MAP3K21: variants seen among roughly 807,000 people sequenced by gnomAD.
The protein encoded by MAP3K21 is mitogen-activated protein kinase kinase kinase 21, also known as mitogen-activated protein kinase kinase kinase MLK4.
Under a neutral mutation model 86.1 loss-of-function variants are expected in MAP3K21, and 63 were observed. That is an observed-to-expected ratio of 0.73 (90% CI 0.60 to 0.90). The LOEUF is 0.90. Among genes scored for constraint, MAP3K21 ranks in the 40% least tolerant of loss-of-function variants. MAP3K21 has a pLI of 0.00. For missense variants in MAP3K21, 1,220 were observed against 1,367.7 expected, an observed-to-expected ratio of 0.89 and a Z score of 1.70; for synonymous variants, 558 against 564.8, an observed-to-expected ratio of 0.99 and a Z score of 0.17.
intron 3 of MAP3K21, 46 bp from the exon 4 acceptor site, chr1:233,354,790 A>AATGTCTTGGGGATAAACTG: frequency 6.8e-7 from 1 of 1,472,032 alleles, no homozygotes; most frequent in Non-Finnish European, 9.4e-7. Flanking sequence ...TAGCAACTCT[A>AATGTCTTGGGGATAAACTG]AACTGCGTTG....
chr1:233,377,670 C>T (rs540845120), intron 8 of MAP3K21, among the ~76,000 whole-genome samples: 2 of 152,196 alleles, frequency 1.3e-5, no homozygotes, highest in South Asian at 2.1e-4. Flanking sequence ...TTTCCATGGA[C>T]CAGTGGGGTA....
intron 2 of MAP3K21, 139 bp downstream of exon 2, chr1:233,346,761 T>A (rs563346766): frequency 1.4e-6 from 1 of 736,900 alleles, no homozygotes; most frequent in South Asian, 1.8e-5. Flanking sequence ...ATCAAAATAA[T>A]TGTAATGACA....
intron 1 of MAP3K21, among the ~76,000 whole-genome samples, chr1:233,339,556 G>A (rs1662997404): frequency 6.6e-6 from 1 of 150,624 alleles, no homozygotes; most frequent in South Asian, 2.1e-4. Context: ...TCACAGCCCA[G>A]GACAGCCTTA....
intron 4 of MAP3K21, among the ~76,000 whole-genome samples, chr1:233,361,621 GC>G (rs1382612886): frequency 6.6e-6 from 1 of 152,136 alleles, no homozygotes; most frequent in Non-Finnish European, 1.5e-5. Context: ...AATTAATTGA[GC>G]TTGAACTTTT....
chr1:233,330,425 C>T (rs1662788732), intron 1 of MAP3K21, among the ~76,000 whole-genome samples: 1 of 152,084 alleles, frequency 6.6e-6, no homozygotes, highest in Non-Finnish European at 1.5e-5. Flanking sequence ...ATATACTTTT[C>T]TTTCGATAAT....
chr1:233,368,129 T>C (rs1294253), intron 5 of MAP3K21, among the ~76,000 whole-genome samples: 126,861 of 152,186 alleles, frequency 0.83, 53,031 homozygotes, highest in East Asian at 1. Flanking sequence ...CTTTCTTCTG[T>C]TATTGACAGG....
At position 233,379,354 on chromosome 1, in the gene MAP3K21, C is replaced by G. The variant is rs760607195; in HGVS notation, c.2348C>G (p.Thr783Ser). The G allele has an allele frequency of 1.9e-6, 3 of 1,614,086 alleles. No homozygotes were observed. The South Asian group carries it at 3.3e-5, about 18-fold the overall frequency. ...AGTCCTCCCACAAGCCTGCCATCCA[C>G]CTGTGGGGAGGCCAGCAGCCCACCC... The part of the protein sequence containing the change: ...SASPPTSLPS[T>S]CGEASSPPSL... The change falls in exon 9 of 10, where the codon ACC (threonine) becomes AGC (serine). Residue 783 changes from threonine to serine, a missense_variant. Physicochemically the swap from Thr to Ser is moderately conservative, Grantham distance 58. Transcript: ENST00000366624.
At chr1:233,372,450 G>T in intron 6 of MAP3K21, 1 of 393,188 alleles carries the variant, frequency 2.5e-6, no homozygotes, top group Non-Finnish European at 4.5e-6. Context: ...ACACTTGCAC[G>T]CAACGTTAGC....
chr1:233,328,747 G>T lies in MAP3K21; in HGVS notation c.719G>T (p.Trp240Leu). The change falls in exon 1 of 10, where the codon TGG (tryptophan) becomes TTG (leucine). Residue 240 changes from tryptophan to leucine, a missense_variant. Coordinates refer to ENST00000366624, the MANE Select transcript of MAP3K21 (RefSeq NM_032435.3). The surrounding 1 kb of genome is among the most constrained non-coding windows in gnomAD (Gnocchi z 8.7). ...ATCCCTCCGCACGTGCTGGTCAACTGGGCCGTGCAGATAGCGCGGGGCATG... is the reference window on the plus strand; with the variant it reads ...ATCCCTCCGCACGTGCTGGTCAACTTGGCCGTGCAGATAGCGCGGGGCATG... ...RRIPPHVLVN[W>L]AVQIARGMLY... 1 of 1,515,108 alleles carries T rather than the reference G, an allele frequency of 6.6e-7. No homozygotes were observed. Among genetic ancestry groups the T allele is most frequent in the South Asian group, 1.2e-5 (1 of 81,588 alleles). The allele number at this position is 1,515,108 out of a possible 1,614,324, so 93.9% of individuals were successfully genotyped here. A position where few individuals can be genotyped will look rare whatever the true frequency, so the allele number is the denominator to read the frequency against.
chr1:233,356,413 C>G (rs1663357621), intron 4 of MAP3K21, among the ~76,000 whole-genome samples: 13 of 152,008 alleles, frequency 8.6e-5, no homozygotes, highest in Admixed American at 8.5e-4. Flanking sequence ...TGCCTGATGT[C>G]TATTTTAATA....
chr1:233,333,187 G>C (rs1662843972), intron 1 of MAP3K21, among the ~76,000 whole-genome samples: 1 of 152,068 alleles, frequency 6.6e-6, no homozygotes, highest in Non-Finnish European at 1.5e-5. Flanking sequence ...GAGTGATTTG[G>C]GGAAGCTACT....
At chr1:233,363,629 G>A (rs527239431) in intron 5 of MAP3K21, among the ~76,000 whole-genome samples, 10 of 149,488 alleles carry the variant, frequency 6.7e-5, no homozygotes, top group Admixed American at 4.0e-4. Context: ...TTGAACCTGG[G>A]AGGTGGAGGT....
rs1663473405 is a variant in MAP3K21 at position 233,361,962 on chromosome 1, C to T, written c.1312-91C>T. 6.2e-6 allele frequency: 9 copies of T among 1,461,094 alleles called. No homozygotes were observed. In the Admixed American group the frequency reaches 1.8e-4, roughly 29 times the overall value. The allele number at this position is 1,461,094 out of a possible 1,614,324, so 90.5% of individuals were successfully genotyped here. On this transcript the variant is annotated intron_variant, in intron 4 of 9. Transcript: ENST00000366624. ...CTTCTCCTTGTGCACAGGAGGAGCC[C>T]GTGGCCGAGGGGTCGCCAGTGTAGT...
chr1:233,357,504 A>C (rs1019342309), intron 4 of MAP3K21, among the ~76,000 whole-genome samples: 1 of 152,236 alleles, frequency 6.6e-6, no homozygotes, highest in African/African-American at 2.4e-5. Flanking sequence ...GTTACATTGA[A>C]AAATGCACAA....
chr1:233,366,753 C>G (rs944445719), intron 5 of MAP3K21, among the ~76,000 whole-genome samples: 2 of 152,174 alleles, frequency 1.3e-5, no homozygotes, highest in African/African-American at 4.8e-5. Context: ...ATTACATTCT[C>G]TTGTAACTTT....
intron 8 of MAP3K21, among the ~76,000 whole-genome samples, chr1:233,377,758 A>G (rs1293512626): frequency 6.6e-6 from 1 of 152,206 alleles, no homozygotes; most frequent in Non-Finnish European, 1.5e-5. Flanking sequence ...TCATAATGAA[A>G]TAATTCTACA....
intron 5 of MAP3K21, among the ~76,000 whole-genome samples, chr1:233,363,294 C>T (rs1012008993): frequency 6.6e-6 from 1 of 152,060 alleles, no homozygotes; most frequent in East Asian, 1.9e-4. Context: ...TGTTTTATGT[C>T]GAGTGTGTAT....
At position 233,328,547 on chromosome 1, in the gene MAP3K21, G is replaced by C. The variant is rs960302324; in HGVS notation, c.519G>C (p.Arg173=). The C allele has an allele frequency of 5.9e-5, 90 of 1,533,278 alleles. No homozygotes were observed. Among genetic ancestry groups the C allele is most frequent in the Middle Eastern group, 4.1e-4 (2 of 4,900 alleles). The allele number at this position is 1,533,278 out of a possible 1,614,324, so 95.0% of individuals were successfully genotyped here. A position where few individuals can be genotyped will look rare whatever the true frequency, so the allele number is the denominator to read the frequency against. Reference sequence around the variant, plus strand: ...CCGAGAGCGTGCGGCGCGAGGCTCGGCTCTTCGCCATGCTGCGGCACCCCA... The same window carrying C: ...CCGAGAGCGTGCGGCGCGAGGCTCGCCTCTTCGCCATGCTGCGGCACCCCA... ...AAAESVRREA[R]LFAMLRHPNI... Residue 173 remains arginine (R), a synonymous_variant, in exon 1 of 10, where the codon CGG becomes CGC. Transcript: ENST00000366624. This position sits in a 1 kb window ranked among gnomAD's most constrained non-coding sequence, Gnocchi z 8.7.
intron 3 of MAP3K21, 47 bp from the exon 4 acceptor site, chr1:233,354,789 T>TC: frequency 2.6e-6 from 4 of 1,525,496 alleles, no homozygotes; most frequent in Admixed American, 1.8e-5. Flanking sequence ...TTAGCAACTC[T>TC]AAACTGCGTT....
Sources: allele counts gnomAD v4.1 joint callset (sites outside exome capture counted in the v4.1 genomes callset), GRCh38; gene constraint gnomAD v4.1.1; non-coding constraint Gnocchi (gnomAD v3.1); transcripts MANE v1.5; gene names NCBI Gene and HGNC (gene_info 2026-07-23, HGNC 2026-07-21).